JAKMIP1: variants seen among roughly 807,000 people sequenced by gnomAD.
The protein encoded by JAKMIP1 is janus kinase and microtubule interacting protein 1, also known as janus kinase and microtubule-interacting protein 1.
In JAKMIP1, 33 loss-of-function variants were observed where a neutral mutation model predicts 113.0. The observed-to-expected ratio is 0.29, with a 90% CI of 0.22 to 0.39. The LOEUF (loss-of-function observed/expected upper bound fraction) is 0.39. Ranked by LOEUF, JAKMIP1 falls within the 10% of genes least tolerant of loss-of-function variation. The probability of loss-of-function intolerance (pLI) is 1.00; values close to 1 mark genes in which losing one functional copy is unlikely to be tolerated. For synonymous variants in JAKMIP1, 480 were observed against 459.9 expected (o/e 1.04, Z -0.56); for missense variants, 813 against 1,080.5 (o/e 0.75, Z 3.47).
chr4:6,065,129 CACAA>C lies in JAKMIP1; in HGVS notation c.1303-125_1303-122del. 1 of 1,237,380 alleles carries C rather than the reference CACAA, an allele frequency of 8.1e-7. No individual in the cohort carries two copies. The highest frequency in any genetic ancestry group is 1.2e-6 in the Non-Finnish European group (1 of 859,504). The allele number at this position is 1,237,380 out of a possible 1,614,324, so 76.7% of individuals were successfully genotyped here. ...ATTGACATTTGGGCCACTGGGGCATCACAAGATGCGGTTGGTGGGCTTCGTAACT... is the reference window on the plus strand; with the variant it reads ...ATTGACATTTGGGCCACTGGGGCATCGATGCGGTTGGTGGGCTTCGTAACT... On this transcript the variant is annotated intron_variant, in intron 8 of 20. Transcript: ENST00000409021. This position sits in a 1 kb window ranked among gnomAD's most constrained non-coding sequence, Gnocchi z 5.1.
chr4:6,101,420 T>C (rs1713006811), intron 3 of JAKMIP1, among the ~76,000 whole-genome samples: 1 of 152,210 alleles, frequency 6.6e-6, no homozygotes, highest in African/African-American at 2.4e-5. Context: ...TTCTGTTCCA[T>C]TGACGTGTCT....
chr4:6,090,446 T>A (rs1721891755), intron 3 of JAKMIP1, among the ~76,000 whole-genome samples: 1 of 152,100 alleles, frequency 6.6e-6, no homozygotes. Context: ...TCCAGAACCG[T>A]AGAGAAAATA....
At chr4:6,169,113 C>G (rs750299017) in intron 1 of JAKMIP1, among the ~76,000 whole-genome samples, 13 of 152,048 alleles carry the variant, frequency 8.5e-5, no homozygotes, top group Non-Finnish European at 1.6e-4. Flanking sequence ...CTTTAAAAGG[C>G]CAGATTTTAT....
chr4:6,119,351 C>G (rs531731480), intron 1 of JAKMIP1, among the ~76,000 whole-genome samples: 1 of 152,032 alleles, frequency 6.6e-6, no homozygotes, highest in African/African-American at 2.4e-5. Flanking sequence ...CGAGACTAGC[C>G]TGACCCAACA....
chr4:6,027,824 T>C (rs979095505), intron 20 of JAKMIP1, among the ~76,000 whole-genome samples: 1 of 142,838 alleles, frequency 7.0e-6, no homozygotes, highest in Non-Finnish European at 1.5e-5. Flanking sequence ...CCACCTGACT[T>C]TTAACATTTT....
intron 9 of JAKMIP1, among the ~76,000 whole-genome samples, chr4:6,063,413 G>C (rs575478739): frequency 6.6e-6 from 1 of 152,344 alleles, no homozygotes; most frequent in South Asian, 2.1e-4. Flanking sequence ...CCATGGCTGA[G>C]AACAAGACCC....
At chr4:6,052,539 G>C (rs1005891845) in intron 13 of JAKMIP1, among the ~76,000 whole-genome samples, 1 of 151,708 alleles carries the variant, frequency 6.6e-6, no homozygotes, top group African/African-American at 2.4e-5. Context: ...CCAGCTACTA[G>C]GGAGGTTGAG....
chr4:6,053,919 A>G, intron 13 of JAKMIP1, 131 bp downstream of exon 13: 1 of 1,544,644 alleles, frequency 6.5e-7, no homozygotes, highest in East Asian at 2.3e-5. Flanking sequence ...AGAAAGAAAG[A>G]AAGAAAGAAA....
chr4:6,170,259 T>TCACCACCACCAC lies in JAKMIP1; in HGVS notation c.-148+29982_-148+29993dup, dbSNP rs764382555. On this transcript the variant is annotated intron_variant, in intron 1 of 20. Transcript: ENST00000409021. ...ATCACCACCACTCCCCCCACCCTTC[T>TCACCACCACCAC]CACCACCACCACCACCATCACCACC... Among the ~76,000 whole-genome samples, 11 of 120,240 alleles carry TCACCACCACCAC rather than the reference T, an allele frequency of 9.1e-5. 1 individual carries two copies. Among genetic ancestry groups the TCACCACCACCAC allele is most frequent in the African/African-American group, 2.4e-4 (7 of 29,406 alleles). 78.9% of individuals were successfully genotyped at this position (120,240 alleles called of 152,430 possible).
chr4:6,104,915 C>T (rs1478350549), intron 3 of JAKMIP1, among the ~76,000 whole-genome samples: 1 of 152,196 alleles, frequency 6.6e-6, no homozygotes, highest in African/African-American at 2.4e-5. Context: ...TCTCTGAGGA[C>T]ATCCAATCCT....
At chr4:6,175,338 T>A (rs1032401872) in intron 1 of JAKMIP1, among the ~76,000 whole-genome samples, 1 of 152,218 alleles carries the variant, frequency 6.6e-6, no homozygotes, top group South Asian at 2.1e-4. Flanking sequence ...ATGTTTCATC[T>A]CTACCAACGG....
At chr4:6,125,027 G>A (rs1490407373) in intron 1 of JAKMIP1, among the ~76,000 whole-genome samples, 1 of 152,188 alleles carries the variant, frequency 6.6e-6, no homozygotes. Context: ...AGTAGGAGAG[G>A]AGAACCTGCC....
At chr4:6,032,864 CG>C (rs917910869) in intron 19 of JAKMIP1, among the ~76,000 whole-genome samples, 2 of 152,026 alleles carry the variant, frequency 1.3e-5, no homozygotes, top group Non-Finnish European at 1.5e-5. Context: ...CAGCGGGAGG[CG>C]GGGGTGCTGT....
intron 1 of JAKMIP1, among the ~76,000 whole-genome samples, chr4:6,172,433 C>G (rs550947230): frequency 3.3e-5 from 5 of 152,328 alleles, no homozygotes; most frequent in African/African-American, 1.2e-4. Context: ...CAGCCCATGT[C>G]TAAGTCCCAT....
In JAKMIP1 at chr4:6,158,900, C is replaced by A. The variant is rs1722572974; in HGVS notation, c.-148+41353G>T. ...CCTCAGGAGTTCGAGACCAGCCTGA[C>A]CAACATGGTGAAACCCCATCTCTAC... On this transcript the variant is annotated intron_variant, in intron 1 of 20. Coordinates refer to ENST00000409021, the MANE Select transcript of JAKMIP1 (RefSeq NM_001099433.2). This position sits in a 1 kb window ranked among gnomAD's most constrained non-coding sequence, Gnocchi z 5.3. 6.6e-6 allele frequency among the ~76,000 whole-genome samples: 1 copy of A among 151,968 alleles called. No individual in the cohort carries two copies. Among genetic ancestry groups the A allele is most frequent in the Non-Finnish European group, 1.5e-5 (1 of 68,018 alleles).
rs1190322896 is a variant in JAKMIP1 at position 6,157,837 on chromosome 4, A to G, written c.-148+42416T>C. Among the ~76,000 whole-genome samples the G allele has an allele frequency of 1.3e-5, 2 of 152,208 alleles. No homozygotes were observed. Among genetic ancestry groups the G allele is most frequent in the Admixed American group, 6.5e-5 (1 of 15,284 alleles). ...GAATTCTGATGAAAAAACTTAAATT[A>G]GATGCCAACACAGCTAACAGATTGT... On this transcript the variant is annotated intron_variant, in intron 1 of 20. Transcript: ENST00000409021. This position sits in a 1 kb window ranked among gnomAD's most constrained non-coding sequence, Gnocchi z 4.7.
intron 8 of JAKMIP1, among the ~76,000 whole-genome samples, chr4:6,068,821 C>T (rs959299678): frequency 2.0e-5 from 3 of 152,122 alleles, no homozygotes; most frequent in African/African-American, 7.2e-5. Context: ...CCGTCTACCT[C>T]GACCTCCCAA....
intron 1 of JAKMIP1, among the ~76,000 whole-genome samples, chr4:6,177,541 G>T (rs1315010324): frequency 6.6e-6 from 1 of 152,118 alleles, no homozygotes; most frequent in East Asian, 1.9e-4. Context: ...CTGTCAGTTG[G>T]ACCTAGAGTC....
chr4:6,048,786 A>G (rs1373623608), intron 16 of JAKMIP1, 71 bp downstream of exon 16: 2 of 1,301,246 alleles, frequency 1.5e-6, no homozygotes, highest in Admixed American at 1.7e-5. Context: ...CAAGACGCCA[A>G]TGTACAGTTT....
Sources: gnomAD v4.1 joint callset for allele counts (sites outside exome capture counted in the v4.1 genomes callset) on GRCh38, gnomAD v4.1.1 for gene constraint, Gnocchi (gnomAD v3.1) non-coding constraint, MANE v1.5 for transcripts, NCBI Gene and HGNC (gene_info 2026-07-23, HGNC 2026-07-21) for gene names.